The following IRAG1 variants were observed in gnomAD, a reference collection of about 807,000 sequenced individuals.
IRAG1 encodes IP3R-associated cGMP kinase substrate.
IRAG1 carries 62 observed loss-of-function variants against 106.2 expected under a neutral mutation model. The observed-to-expected ratio is 0.58, with a 90% CI of 0.48 to 0.72. The LOEUF is 0.72. Among genes scored for constraint, IRAG1 ranks in the 30% least tolerant of loss-of-function variants. The pLI is 0.00. For missense variants in IRAG1, 1,064 were observed against 1,140.7 expected (o/e 0.93, Z 0.97); for synonymous variants, 462 against 443.9 (o/e 1.04, Z -0.51).
intron 1 of IRAG1, among the ~76,000 whole-genome samples, chr11:10,676,730 C>T (rs558294416): frequency 5.9e-5 from 9 of 152,298 alleles, no homozygotes; most frequent in East Asian, 3.9e-4. Flanking sequence ...CAGCCATGTC[C>T]GAGATTGCCC....
chr11:10,629,776 C>T, intron 4 of IRAG1, 65 bp from the exon 5 acceptor site: 1 of 1,503,328 alleles, frequency 6.7e-7, no homozygotes, highest in Non-Finnish European at 9.0e-7. Context: ...GAGGTCATGC[C>T]ATACCATGCC....
chr11:10,633,037 T>C (rs1856818901), intron 3 of IRAG1, among the ~76,000 whole-genome samples: 1 of 152,134 alleles, frequency 6.6e-6, no homozygotes, highest in Admixed American at 6.5e-5. Flanking sequence ...AGTATATTTA[T>C]ATGAGAATTA....
At chr11:10,651,934 C>T (rs1858545075) in intron 2 of IRAG1, 91 bp downstream of exon 2, 2 of 1,426,278 alleles carry the variant, frequency 1.4e-6, no homozygotes, top group Middle Eastern at 5.1e-4. Context: ...GTCAGCAAAC[C>T]CTCTGGCCAG....
At chr11:10,590,768 G>GA (rs1852554144) in intron 18 of IRAG1, among the ~76,000 whole-genome samples, 1 of 152,212 alleles carries the variant, frequency 6.6e-6, no homozygotes. Flanking sequence ...TAGATGCCTA[G>GA]AAAATCACAG....
chr11:10,602,572 C>G (rs1313573749), intron 14 of IRAG1, among the ~76,000 whole-genome samples: 1 of 152,226 alleles, frequency 6.6e-6, no homozygotes, highest in Non-Finnish European at 1.5e-5. Flanking sequence ...TGGGCCTGTG[C>G]CCCGCTCCGC....
chr11:10,665,392 G>A lies in IRAG1; in HGVS notation c.68-13210C>T, dbSNP rs1052953424. ...CTAATACACACATCTAAACTGTTAG[G>A]GCTCCAGAGGAGTGACTCGGTTTGA... On this transcript the variant is annotated intron_variant, in intron 1 of 20. Coordinates refer to ENST00000423302, the MANE Select transcript of IRAG1 (RefSeq NM_130385.4). The surrounding 1 kb of genome is among the most constrained non-coding windows in gnomAD (Gnocchi z 4.2). Among the ~76,000 whole-genome samples the A allele has an allele frequency of 6.6e-6, 1 of 152,122 alleles. No individual in the cohort carries two copies. Among genetic ancestry groups the A allele is most frequent in the Non-Finnish European group, 1.5e-5 (1 of 68,032 alleles).
chr11:10,679,675 G>A (rs1017214768), intron 1 of IRAG1, among the ~76,000 whole-genome samples: 33 of 152,300 alleles, frequency 2.2e-4, no homozygotes, highest in Admixed American at 1.6e-3. Context: ...TAGATGCCAC[G>A]TGATCCATCC....
Position 10,647,946 on chromosome 11 carries a change from A to G in IRAG1, c.225+4079T>C, listed in dbSNP as rs1024758112. Among the ~76,000 whole-genome samples, 1 of 152,214 alleles carries G rather than the reference A, an allele frequency of 6.6e-6. No homozygotes were observed. Among genetic ancestry groups the G allele is most frequent in the African/African-American group, 2.4e-5 (1 of 41,458 alleles). On this transcript the variant is annotated intron_variant, in intron 2 of 20. Transcript: ENST00000423302. The surrounding 1 kb of genome is among the most constrained non-coding windows in gnomAD (Gnocchi z 4.3). Reference sequence around the variant, plus strand: ...AGGATTTCACCCCACTATAGGTTGTATGGAGGGCAGAACCGAGGGAGAGTC... The same window carrying G: ...AGGATTTCACCCCACTATAGGTTGTGTGGAGGGCAGAACCGAGGGAGAGTC...
chr11:10,596,988 G>A (rs1325840940), intron 15 of IRAG1, among the ~76,000 whole-genome samples: 1 of 152,170 alleles, frequency 6.6e-6, no homozygotes, highest in African/African-American at 2.4e-5. Context: ...CTATTCTGGA[G>A]CAATGATGGT....
Position 10,647,191 on chromosome 11 carries a change from C to T in IRAG1, c.225+4834G>A, listed in dbSNP as rs1160604529. On this transcript the variant is annotated intron_variant, in intron 2 of 20. Coordinates refer to ENST00000423302, the MANE Select transcript of IRAG1 (RefSeq NM_130385.4). This position sits in a 1 kb window ranked among gnomAD's most constrained non-coding sequence, Gnocchi z 4.3. ...CTCACTGAGGACCCAGGGGCAGTAA[C>T]AGTGCTCAGTGCGGGTATGGACTAA... Among the ~76,000 whole-genome samples the T allele has an allele frequency of 6.6e-6, 1 of 152,166 alleles. No individual in the cohort carries two copies. Among genetic ancestry groups the T allele is most frequent in the African/African-American group, 2.4e-5 (1 of 41,460 alleles).
intron 4 of IRAG1, 153 bp from the exon 5 acceptor site, chr11:10,629,864 A>G: frequency 1.4e-6 from 1 of 729,902 alleles, no homozygotes; most frequent in Non-Finnish European, 2.2e-6. Flanking sequence ...TTGCATGGGG[A>G]CAGACAGTGG....
In IRAG1 at chr11:10,626,264, G is replaced by A. The variant is rs1193755992; in HGVS notation, c.1070C>T (p.Pro357Leu). 1.2e-6 allele frequency: 2 copies of A among 1,609,922 alleles called. No homozygotes were observed. Residue 357 changes from proline (P) to leucine (L), a missense_variant, in exon 9 of 21, where the codon CCC (proline) becomes CTC (leucine). Transcript: ENST00000423302. ...SPTQDAAGVG[P>L]PASQGRGPAG... Reference sequence around the variant, plus strand: ...TGGGCCTCTCCCCTGGGAGGCTGGGGGACCCACTCCTGCCGCATCCTGGGT... The same window carrying A: ...TGGGCCTCTCCCCTGGGAGGCTGGGAGACCCACTCCTGCCGCATCCTGGGT...
chr11:10,661,095 G>GA (rs1859360917), intron 1 of IRAG1, among the ~76,000 whole-genome samples: 1 of 151,960 alleles, frequency 6.6e-6, no homozygotes, highest in Non-Finnish European at 1.5e-5. Flanking sequence ...TACCATGGGG[G>GA]GGCCAGTTCT....
intron 1 of IRAG1, among the ~76,000 whole-genome samples, chr11:10,674,679 CCT>C (rs1325385511): frequency 1.3e-5 from 2 of 152,200 alleles, no homozygotes; most frequent in Non-Finnish European, 2.9e-5. Flanking sequence ...TGCCCCTTCC[CCT>C]GTCTTGTGGC....
chr11:10,682,156 T>C (rs770742718), intron 1 of IRAG1, among the ~76,000 whole-genome samples: 55 of 152,232 alleles, frequency 3.6e-4, no homozygotes, highest in Non-Finnish European at 6.9e-4. Flanking sequence ...TGAGATAATG[T>C]ATGTAAAGAA....
intron 1 of IRAG1, among the ~76,000 whole-genome samples, chr11:10,692,655 T>C (rs1433337903): frequency 6.6e-6 from 1 of 152,190 alleles, no homozygotes; most frequent in African/African-American, 2.4e-5. Context: ...GCCACCCCAG[T>C]GAGCAGCCTG....
chr11:10,596,837 A>G (rs945896478), intron 15 of IRAG1, among the ~76,000 whole-genome samples: 3 of 152,246 alleles, frequency 2.0e-5, no homozygotes, highest in Non-Finnish European at 4.4e-5. Flanking sequence ...GCATAGTAAT[A>G]ATAAGCAACT....
At position 10,575,745 on chromosome 11, in the gene IRAG1, C is replaced by CT. The variant is rs67434222; in HGVS notation, c.*586dup. On this transcript the variant is annotated 3_prime_UTR_variant, in exon 21 of 21. Transcript: ENST00000423302. ...AGCACTGAGCTAAATTCAGCCTATA[C>CT]TTTTTTTTTTTTTTCTGAGAAGCCT... 0.56 allele frequency: 73,081 copies of CT among 131,504 alleles called. 18,846 individuals carry two copies. The highest frequency in any genetic ancestry group is 0.68 in the African/African-American group (26,567 of 39,322). 8.1% of individuals were successfully genotyped at this position (131,504 alleles called of 1,614,324 possible).
intron 10 of IRAG1, among the ~76,000 whole-genome samples, chr11:10,614,901 C>T (rs1855271353): frequency 6.6e-6 from 1 of 152,218 alleles, no homozygotes; most frequent in Admixed American, 6.5e-5. Flanking sequence ...ATGTCTAAAA[C>T]ACCAAAAGCA....
Sources: gnomAD v4.1 joint callset for allele counts (sites outside exome capture counted in the v4.1 genomes callset) on GRCh38, gnomAD v4.1.1 for gene constraint, Gnocchi (gnomAD v3.1) non-coding constraint, MANE v1.5 for transcripts, NCBI Gene and HGNC (gene_info 2026-07-23, HGNC 2026-07-21) for gene names.